The following AP1S3 variants were observed in gnomAD, a reference collection of about 807,000 sequenced individuals.
The protein encoded by AP1S3 is adaptor related protein complex 1 subunit sigma 3, also known as AP-1 complex subunit sigma-3.
In AP1S3, 10 loss-of-function variants were observed where a neutral mutation model predicts 20.9. The ratio of observed to expected loss-of-function variants is 0.48; its 90% confidence interval spans 0.29 to 0.81. AP1S3 has a LOEUF of 0.81. Among genes scored for constraint, AP1S3 ranks in the 30% least tolerant of loss-of-function variants. The probability of loss-of-function intolerance (pLI) is 0.08; values close to 1 mark genes in which losing one functional copy is unlikely to be tolerated. For synonymous variants in AP1S3, 41 were observed against 61.5 expected (o/e 0.67, Z 1.56); for missense variants, 154 against 183.8 (o/e 0.84, Z 0.94).
At chr2:223,768,139 G>A (rs1485552913) in intron 3 of AP1S3, among the ~76,000 whole-genome samples, 1 of 152,198 alleles carries the variant, frequency 6.6e-6, no homozygotes, top group East Asian at 1.9e-4. Flanking sequence ...GGGCCCTGCT[G>A]TCTGATTTCC....
chr2:223,833,571 C>G (rs978307547), intron 1 of AP1S3, among the ~76,000 whole-genome samples: 1 of 152,186 alleles, frequency 6.6e-6, no homozygotes, highest in African/African-American at 2.4e-5. Context: ...GTGTAAAGTA[C>G]TAGGTGCCTA....
intron 1 of AP1S3, among the ~76,000 whole-genome samples, chr2:223,812,347 G>A (rs896447977): frequency 2.0e-5 from 3 of 152,064 alleles, no homozygotes; most frequent in East Asian, 1.9e-4. Flanking sequence ...TCAGCCTCCC[G>A]AGTAGCTGGG....
At chr2:223,767,350 A>G (rs1302617897) in intron 3 of AP1S3, among the ~76,000 whole-genome samples, 1 of 152,068 alleles carries the variant, frequency 6.6e-6, no homozygotes, top group African/African-American at 2.4e-5. Context: ...TTTCTTGTCT[A>G]TCTCTGATAA....
At position 223,764,565 on chromosome 2, in the gene AP1S3, C is replaced by T. The variant is rs1690432944; in HGVS notation, c.429+648G>A. Among the ~76,000 whole-genome samples the T allele has an allele frequency of 2.0e-5, 3 of 151,994 alleles. No homozygotes were observed. The South Asian group carries it at 6.3e-4, about 32-fold the overall frequency. On this transcript the variant is annotated intron_variant, in intron 4 of 4. Transcript: ENST00000396654. The stretch of plus-strand genomic sequence containing the variant: ...CAGTACAAAATGGATGCTTCTGGGC[C>T]CATTTATACCTTGGCAAGCAAACCA...
At chr2:223,788,979 T>C (rs1691141875) in intron 1 of AP1S3, among the ~76,000 whole-genome samples, 2 of 152,124 alleles carry the variant, frequency 1.3e-5, no homozygotes, top group Admixed American at 1.3e-4. Flanking sequence ...AAAAGACCTT[T>C]AGGTACTAAC....
Position 223,756,967 on chromosome 2 carries a change from T to C in AP1S3, c.*1748A>G, listed in dbSNP as rs998077201. ...TCAAATAGCAGGCAGCAAGACAGAA[T>C]ACTACAAGCTTTTACTTTTTCTTTT... is the stretch of plus-strand genomic sequence containing the variant. On this transcript the variant is annotated 3_prime_UTR_variant, in exon 5 of 5. Transcript: ENST00000396654. The C allele has an allele frequency of 1.0e-6, 1 of 984,268 alleles. No homozygotes were observed. Among genetic ancestry groups the C allele is most frequent in the African/African-American group, 1.8e-5 (1 of 57,028 alleles). 61.0% of individuals were successfully genotyped at this position (984,268 alleles called of 1,614,324 possible). A position where few individuals can be genotyped will look rare whatever the true frequency, so the allele number is the denominator to read the frequency against.
chr2:223,780,105 C>T (rs1690885044), intron 1 of AP1S3, among the ~76,000 whole-genome samples: 1 of 151,386 alleles, frequency 6.6e-6, no homozygotes, highest in Non-Finnish European at 1.5e-5. Flanking sequence ...TTCCACTAAC[C>T]ACCTCCCCCG....
At chr2:223,758,880 T>A (rs1446870168) in intron 4 of AP1S3, 130 bp from the exon 5 acceptor site, 1 of 753,572 alleles carries the variant, frequency 1.3e-6, no homozygotes, top group Non-Finnish European at 2.0e-6. Context: ...TACATGGATA[T>A]AAAATCTTTG....
At chr2:223,808,832 C>G (rs1691643924) in intron 1 of AP1S3, among the ~76,000 whole-genome samples, 6 of 152,094 alleles carry the variant, frequency 3.9e-5, no homozygotes, top group Admixed American at 3.9e-4. Flanking sequence ...ATGGCGAAAC[C>G]CCATCTCCAC....
intron 1 of AP1S3, among the ~76,000 whole-genome samples, chr2:223,779,405 T>C (rs1056225419): frequency 1.3e-5 from 2 of 152,102 alleles, no homozygotes; most frequent in African/African-American, 2.4e-5. Flanking sequence ...TGTTAGAATG[T>C]TTTTTAAAAA....
chr2:223,820,371 T>C (rs1475300618), intron 1 of AP1S3, among the ~76,000 whole-genome samples: 1 of 152,184 alleles, frequency 6.6e-6, no homozygotes, highest in African/African-American at 2.4e-5. Context: ...TAAATATTTA[T>C]TGCCAGAATA....
In AP1S3 at chr2:223,756,845, A is replaced by T; in HGVS notation, c.*1870T>A. ...GGATCTCCTAAAGAATCCAACAGGAAACACACTCTTCTAGGAAATCACTGG... is the reference window on the plus strand; with the variant it reads ...GGATCTCCTAAAGAATCCAACAGGATACACACTCTTCTAGGAAATCACTGG... On this transcript the variant is annotated 3_prime_UTR_variant, in exon 5 of 5. Transcript: ENST00000396654. 1 of 985,436 alleles carries T rather than the reference A, an allele frequency of 1.0e-6. No individual in the cohort carries two copies. Among genetic ancestry groups the T allele is most frequent in the Non-Finnish European group, 1.2e-6 (1 of 829,938 alleles). 61.0% of individuals were successfully genotyped at this position (985,436 alleles called of 1,614,324 possible).
intron 1 of AP1S3, among the ~76,000 whole-genome samples, chr2:223,820,642 G>A (rs562260740): frequency 2.0e-3 from 287 of 141,662 alleles, no homozygotes; most frequent in Non-Finnish European, 2.7e-3. Flanking sequence ...CCTAGGAAAT[G>A]ATGATTCAGT....
chr2:223,824,855 T>G (rs1441500635), intron 1 of AP1S3, among the ~76,000 whole-genome samples: 2 of 152,162 alleles, frequency 1.3e-5, no homozygotes, highest in Non-Finnish European at 2.9e-5. Context: ...GTATTACTAT[T>G]TTTTTAACTC....
At chr2:223,837,399 C>T in intron 1 of AP1S3, 49 bp downstream of exon 1, 2 of 1,151,038 alleles carry the variant, frequency 1.7e-6, no homozygotes, top group Non-Finnish European at 1.1e-6. Flanking sequence ...CTCCCCGGAG[C>T]GCGAGCGCCC....
chr2:223,765,283 C>T lies in AP1S3; in HGVS notation c.359G>A (p.Gly120Asp), dbSNP rs755823263. 1.2e-6 allele frequency: 2 copies of T among 1,614,038 alleles called. No homozygotes were observed. Among genetic ancestry groups the T allele is most frequent in the South Asian group, 1.1e-5 (1 of 91,062 alleles). ...AYFILDEFII[G>D]GEIQETSKKI... ...CTTGGATGTTTCCTGAATTTCCCCA[C>T]CTATTATAAACTCGTCCAGGATGAA... The change falls in exon 4 of 5, where the codon GGT (glycine) becomes GAT (aspartate). Residue 120 changes from glycine (G) to aspartate (D), a missense_variant. Coordinates refer to ENST00000396654, the MANE Select transcript of AP1S3 (RefSeq NM_001039569.2).
At chr2:223,809,416 G>A (rs1031766340) in intron 1 of AP1S3, among the ~76,000 whole-genome samples, 5 of 151,990 alleles carry the variant, frequency 3.3e-5, no homozygotes, top group East Asian at 2.0e-4. Flanking sequence ...AGGCCAAGGC[G>A]GGCAGATCAC....
intron 1 of AP1S3, among the ~76,000 whole-genome samples, chr2:223,793,241 T>C (rs1294410218): frequency 6.6e-6 from 1 of 152,210 alleles, no homozygotes; most frequent in African/African-American, 2.4e-5. Context: ...CAAAGGAATA[T>C]AAATCATTCT....
chr2:223,836,042 C>T (rs1692387046), intron 1 of AP1S3, among the ~76,000 whole-genome samples: 1 of 152,186 alleles, frequency 6.6e-6, no homozygotes, highest in African/African-American at 2.4e-5. Flanking sequence ...AAAATGATGC[C>T]GCTAGTGTGT....
Sources: allele counts gnomAD v4.1 joint callset (sites outside exome capture counted in the v4.1 genomes callset), GRCh38; gene constraint gnomAD v4.1.1; transcripts MANE v1.5; gene names NCBI Gene and HGNC (gene_info 2026-07-23, HGNC 2026-07-21).